The following CSMD1 variants were observed in gnomAD, a reference collection of about 807,000 sequenced individuals.
The protein encoded by CSMD1 is CUB and Sushi multiple domains 1, also known as CUB and sushi domain-containing protein 1.
In CSMD1, 213 loss-of-function variants were observed where a neutral mutation model predicts 417.5. The ratio of observed to expected loss-of-function variants is 0.51; its 90% CI spans 0.46 to 0.57. The LOEUF is 0.57. CSMD1 is among the 20% of genes least tolerant of loss of function. The probability of loss-of-function intolerance (pLI) is 0.00; values close to 1 mark genes in which losing one functional copy is unlikely to be tolerated. For missense variants in CSMD1, 6,923 were observed against 4,529.7 expected, an observed-to-expected ratio of 1.53 and a Z score of -15.17; for synonymous variants, 2,862 against 1,736.8, an observed-to-expected ratio of 1.65 and a Z score of -16.11.
chr8:4,160,450 A>G (rs1371104399), intron 3 of CSMD1, among the ~76,000 whole-genome samples: 1 of 152,192 alleles, frequency 6.6e-6, no homozygotes, highest in Non-Finnish European at 1.5e-5. Context: ...ATATATTTCA[A>G]TAAAGTAAGT....
chr8:3,187,438 G>T (rs1013046235), intron 36 of CSMD1, among the ~76,000 whole-genome samples: 55 of 152,118 alleles, frequency 3.6e-4, no homozygotes, highest in Non-Finnish European at 6.8e-4. Flanking sequence ...ACAATTTCGT[G>T]CCTGGCTACA....
chr8:3,504,291 A>C (rs1796732815), intron 10 of CSMD1, among the ~76,000 whole-genome samples: 1 of 152,184 alleles, frequency 6.6e-6, no homozygotes. Flanking sequence ...AATCACACTG[A>C]CAAAAGAGAG....
At chr8:4,690,215 T>A (rs2116759094) in intron 1 of CSMD1, among the ~76,000 whole-genome samples, 1 of 152,352 alleles carries the variant, frequency 6.6e-6, no homozygotes, top group East Asian at 1.9e-4. Flanking sequence ...TTGCATGATT[T>A]TAGGCTGTGA....
At chr8:2,984,462 T>C (rs775880072) in intron 54 of CSMD1, among the ~76,000 whole-genome samples, 10 of 152,096 alleles carry the variant, frequency 6.6e-5, no homozygotes, top group Non-Finnish European at 8.8e-5. Flanking sequence ...GATTCTCCTG[T>C]CTCAGCCTCC....
chr8:4,409,136 G>A (rs1054993908), intron 3 of CSMD1, among the ~76,000 whole-genome samples: 1 of 152,096 alleles, frequency 6.6e-6, no homozygotes, highest in Non-Finnish European at 1.5e-5. Context: ...TATATTTAAT[G>A]TACTATACCT....
At chr8:4,984,204 G>C (rs1360550195) in intron 1 of CSMD1, among the ~76,000 whole-genome samples, 1 of 152,194 alleles carries the variant, frequency 6.6e-6, no homozygotes, top group African/African-American at 2.4e-5. Context: ...AACAGCAAGA[G>C]TAACCATCAC....
chr8:3,549,182 C>T (rs1056072491), intron 10 of CSMD1, among the ~76,000 whole-genome samples: 1 of 152,222 alleles, frequency 6.6e-6, no homozygotes, highest in Non-Finnish European at 1.5e-5. Context: ...GGTCCACATC[C>T]AGTCTGTGCC....
intron 40 of CSMD1, among the ~76,000 whole-genome samples, chr8:3,147,627 T>TG (rs1325558694): frequency 1.3e-5 from 2 of 152,160 alleles, no homozygotes; most frequent in African/African-American, 2.4e-5. Context: ...TTGAGCACCC[T>TG]GGGGGGCAGT....
chr8:4,011,761 A>G (rs1816556424), intron 4 of CSMD1, among the ~76,000 whole-genome samples: 1 of 152,306 alleles, frequency 6.6e-6, no homozygotes, highest in East Asian at 1.9e-4. Flanking sequence ...CCCAGTGGTT[A>G]CATCTTATAC....
intron 4 of CSMD1, among the ~76,000 whole-genome samples, chr8:4,014,509 C>G (rs1163173592): frequency 1.3e-5 from 2 of 152,170 alleles, no homozygotes; most frequent in African/African-American, 2.4e-5. Flanking sequence ...TCTGTTCCCC[C>G]TTACTCTTCA....
chr8:4,106,610 T>C (rs888151443), intron 3 of CSMD1, among the ~76,000 whole-genome samples: 1 of 152,210 alleles, frequency 6.6e-6, no homozygotes, highest in South Asian at 2.1e-4. Context: ...CGAATATATT[T>C]TATTCACCAA....
intron 5 of CSMD1, among the ~76,000 whole-genome samples, chr8:3,815,846 C>T (rs999081621): frequency 6.6e-6 from 1 of 152,086 alleles, no homozygotes; most frequent in Non-Finnish European, 1.5e-5. Context: ...CAGCATGTGG[C>T]AGAGAAACTA....
intron 12 of CSMD1, among the ~76,000 whole-genome samples, chr8:3,440,482 G>A (rs562264858): frequency 5.3e-5 from 8 of 152,286 alleles, no homozygotes; most frequent in African/African-American, 9.6e-5. Context: ...AGATTTTGTT[G>A]TTGTTGTTCA....
rs866000673 is a variant in CSMD1 at position 3,927,966 on chromosome 8, A to G, written c.818+69937T>C. On this transcript the variant is annotated intron_variant, in intron 5 of 69. Transcript: ENST00000635120. ...ATCTGTTAATTTCTTAAGTTCATTT[A>G]ACATAATTTTTATATTGAAGAATAT... Among the ~76,000 whole-genome samples the G allele has an allele frequency of 5.9e-5, 9 of 152,118 alleles. No individual in the cohort carries two copies. In the East Asian group the frequency reaches 9.6e-4, roughly 16 times the overall value.
chr8:4,386,776 C>G (rs1033582958), intron 3 of CSMD1, among the ~76,000 whole-genome samples: 1 of 152,084 alleles, frequency 6.6e-6, no homozygotes, highest in Admixed American at 6.6e-5. Context: ...CAGTTGGTTT[C>G]AGTTGAAGAG....
chr8:4,162,572 TTAAA>T (rs745599496), intron 3 of CSMD1, among the ~76,000 whole-genome samples: 38 of 152,298 alleles, frequency 2.5e-4, no homozygotes, highest in Admixed American at 1.4e-3. Context: ...CTTTGATTTT[TTAAA>T]TATAGATTTT....
intron 2 of CSMD1, among the ~76,000 whole-genome samples, chr8:4,466,035 C>G (rs1585123638): frequency 1.3e-5 from 2 of 152,216 alleles, no homozygotes; most frequent in African/African-American, 4.8e-5. Context: ...TGACAAATTA[C>G]TTTTATTACC....
chr8:3,817,761 T>G (rs1428542647), intron 5 of CSMD1, among the ~76,000 whole-genome samples: 1 of 151,924 alleles, frequency 6.6e-6, no homozygotes, highest in East Asian at 1.9e-4. Flanking sequence ...GAAACAGAGG[T>G]CTTCCAAAAG....
At chr8:4,863,255 G>C (rs963115515) in intron 1 of CSMD1, among the ~76,000 whole-genome samples, 2 of 152,014 alleles carry the variant, frequency 1.3e-5, no homozygotes, top group East Asian at 3.9e-4. Flanking sequence ...AGAATTATCT[G>C]AGAATACATA....
Sources: gnomAD v4.1 joint callset for allele counts (sites outside exome capture counted in the v4.1 genomes callset) on GRCh38, gnomAD v4.1.1 for gene constraint, MANE v1.5 for transcripts, NCBI Gene and HGNC (gene_info 2026-07-23, HGNC 2026-07-21) for gene names.